TTC7A: variants seen among roughly 807,000 people sequenced by gnomAD.
TTC7A encodes tetratricopeptide repeat protein 7A.
TTC7A carries 110 observed loss-of-function variants against 103.7 expected under a neutral mutation model. The observed-to-expected ratio is 1.06, with a 90% CI of 0.91 to 1.24. TTC7A has a LOEUF of 1.24. TTC7A is among the 50% of genes most tolerant of loss of function. The pLI is 0.00. For synonymous variants in TTC7A, 521 were observed against 467.9 expected, an observed-to-expected ratio of 1.11 and a Z score of -1.47; for missense variants, 1,340 against 1,116.3, an observed-to-expected ratio of 1.20 and a Z score of -2.86.
intron 18 of TTC7A, among the ~76,000 whole-genome samples, chr2:47,056,335 G>A (rs1438021208): frequency 6.6e-6 from 1 of 152,214 alleles, no homozygotes; most frequent in South Asian, 2.1e-4. Flanking sequence ...ATTCTTTTGG[G>A]GGGACTAACC....
Position 47,006,052 on chromosome 2 carries a change from T to G in TTC7A, c.1196T>G (p.Leu399Arg). ...TLGRRGQYVM[L>R]SECLERAMKF... The stretch of plus-strand genomic sequence containing the variant: ...GGCAGAAGGGGACAGTACGTCATGC[T>G]CTCGGAGGTACGGCCGGCCATGCAG... Residue 399 changes from leucine to arginine, a missense_variant, in exon 9 of 20, where the codon CTC (leucine) becomes CGC (arginine). Transcript: ENST00000319190. The G allele has an allele frequency of 6.2e-7, 1 of 1,612,646 alleles. No homozygotes were observed. The highest frequency in any genetic ancestry group is 2.2e-5 in the East Asian group (1 of 44,816).
chr2:46,970,148 C>T (rs1338341111), intron 3 of TTC7A, among the ~76,000 whole-genome samples: 1 of 152,130 alleles, frequency 6.6e-6, no homozygotes, highest in Non-Finnish European at 1.5e-5. Context: ...CGCCACCAAG[C>T]CCAGCTAATT....
intron 1 of TTC7A, among the ~76,000 whole-genome samples, chr2:46,948,066 G>A (rs1406148804): frequency 6.6e-6 from 1 of 152,234 alleles, no homozygotes; most frequent in Admixed American, 6.5e-5. Context: ...CGGGCAGGTG[G>A]ATGGCAGAGT....
upstream of TTC7A, among the ~76,000 whole-genome samples, chr2:46,936,618 G>C (rs1669992333): frequency 6.6e-6 from 1 of 152,016 alleles, no homozygotes; most frequent in South Asian, 2.1e-4. Flanking sequence ...TGGCTTCCTC[G>C]GGCCAGACTT....
chr2:46,969,384 G>A (rs1175298377), intron 3 of TTC7A, among the ~76,000 whole-genome samples: 2 of 151,988 alleles, frequency 1.3e-5, no homozygotes, highest in East Asian at 3.9e-4. Flanking sequence ...GCGGGTGTCT[G>A]TAGTCCCAGC....
At chr2:47,020,865 A>G (rs1031041275) in intron 11 of TTC7A, among the ~76,000 whole-genome samples, 5 of 152,188 alleles carry the variant, frequency 3.3e-5, no homozygotes, top group African/African-American at 1.2e-4. Flanking sequence ...GGGCCTGAGC[A>G]GGGATGGGGG....
At chr2:47,013,837 T>A (rs1678331535) in intron 11 of TTC7A, among the ~76,000 whole-genome samples, 1 of 152,138 alleles carries the variant, frequency 6.6e-6, no homozygotes, top group Non-Finnish European at 1.5e-5. Flanking sequence ...GGGTGAGCTG[T>A]TTAACTTCAG....
At chr2:47,073,436 C>G (rs1684943457) in intron 19 of TTC7A, among the ~76,000 whole-genome samples, 1 of 152,212 alleles carries the variant, frequency 6.6e-6, no homozygotes, top group Non-Finnish European at 1.5e-5. Context: ...GGTCTGTTGA[C>G]TTGAAAGCCA....
chr2:47,051,457 G>A (rs949283506), intron 17 of TTC7A, among the ~76,000 whole-genome samples: 1 of 152,182 alleles, frequency 6.6e-6, no homozygotes, highest in African/African-American at 2.4e-5. Context: ...TTTCTGTTGT[G>A]TTCACGTAAA....
Position 46,935,248 on chromosome 2 carries a change from C to G in TTC7A, c.83-15115C>G, listed in dbSNP as rs1344196709. ...AGGAACAGCTCATTACAAATGTGAGCCATGACAACTGTTCCTCCCCACACT... is the reference window on the plus strand; with the variant it reads ...AGGAACAGCTCATTACAAATGTGAGGCATGACAACTGTTCCTCCCCACACT... On this transcript the variant is annotated intron_variant, in intron 2 of 20. Transcript: ENST00000409245. Among the ~76,000 whole-genome samples the G allele has an allele frequency of 5.3e-5, 8 of 152,170 alleles. No individual in the cohort carries two copies. The East Asian group carries it at 1.6e-3, about 29-fold the overall frequency.
At chr2:47,058,251 CTG>C (rs1232047731) in intron 18 of TTC7A, among the ~76,000 whole-genome samples, 2 of 152,236 alleles carry the variant, frequency 1.3e-5, no homozygotes, top group African/African-American at 4.8e-5. Flanking sequence ...CCTGGCTTCT[CTG>C]TGTTTAATTC....
At chr2:47,009,051 G>A (rs998408278) in intron 10 of TTC7A, among the ~76,000 whole-genome samples, 1 of 152,180 alleles carries the variant, frequency 6.6e-6, no homozygotes, top group African/African-American at 2.4e-5. Flanking sequence ...AGGATCCAGA[G>A]TTCAGCAGCC....
rs750924547 is a variant in TTC7A at position 47,060,941 on chromosome 2, C to G, written c.2325C>G (p.Asn775Lys). The G allele has an allele frequency of 2.9e-5, 46 of 1,613,742 alleles. No homozygotes were observed. The highest frequency in any genetic ancestry group is 3.7e-5 in the Non-Finnish European group (44 of 1,179,924). ...KQLYKEALTV[N>K]PDGVRIMHSL... ...TGTACAAGGAGGCGCTCACGGTGAA[C>G]CCAGATGGCGTGCGCATCATGCATA... The change falls in exon 19 of 20, where the codon AAC (asparagine) becomes AAG (lysine). Residue 775 changes from asparagine to lysine, a missense_variant. Transcript: ENST00000319190.
At chr2:47,047,053 A>C in intron 16 of TTC7A, 1 of 542,722 alleles carries the variant, frequency 1.8e-6, no homozygotes, top group Non-Finnish European at 3.3e-6. Context: ...AGAGCAGGGC[A>C]CTCTTGTCCA....
intron 2 of TTC7A, among the ~76,000 whole-genome samples, chr2:46,931,026 A>C (rs1366081112): frequency 6.6e-6 from 1 of 152,238 alleles, no homozygotes; most frequent in African/African-American, 2.4e-5. Flanking sequence ...AGAATTCTAA[A>C]CAAAACATTT....
At chr2:46,992,272 C>T (rs550156491) in intron 5 of TTC7A, among the ~76,000 whole-genome samples, 14 of 152,162 alleles carry the variant, frequency 9.2e-5, no homozygotes, top group Non-Finnish European at 1.9e-4. Flanking sequence ...GCGCCTGGCC[C>T]TCAGGTGGCC....
chr2:46,953,489 A>G (rs1671581768), intron 2 of TTC7A, among the ~76,000 whole-genome samples: 1 of 152,184 alleles, frequency 6.6e-6, no homozygotes, highest in Non-Finnish European at 1.5e-5. Flanking sequence ...ACCCGCAAAG[A>G]TCAGGTCACA....
intron 14 of TTC7A, 144 bp from the exon 15 acceptor site, chr2:47,029,080 G>A (rs1204808831): frequency 1.6e-5 from 14 of 888,622 alleles, no homozygotes; most frequent in African/African-American, 5.0e-5. Context: ...TGGGGCAGGT[G>A]TTTTCTCACA....
chr2:46,958,678 G>C (rs1207836345), intron 3 of TTC7A: 1 of 594,416 alleles, frequency 1.7e-6, no homozygotes, highest in East Asian at 6.8e-5. Flanking sequence ...TCCCTGTCCT[G>C]CTGCAGTGAC....
Sources: allele counts gnomAD v4.1 joint callset (sites outside exome capture counted in the v4.1 genomes callset), GRCh38; gene constraint gnomAD v4.1.1; transcripts MANE v1.5; gene names NCBI Gene and HGNC (gene_info 2026-07-23, HGNC 2026-07-21).